Variants in NUBPL observed in about 807,000 individuals in gnomAD.
NUBPL encodes the protein iron-sulfur cluster transfer protein NUBPL.
A neutral mutation model predicts 45.7 loss-of-function variants in NUBPL; 31 were observed. The observed-to-expected ratio is 0.68, with a 90% CI of 0.51 to 0.92. NUBPL has a LOEUF of 0.92. NUBPL is among the 40% of genes least tolerant of loss of function. The pLI is 0.00. For missense variants in NUBPL, 401 were observed against 398.7 expected (o/e 1.01, Z -0.05); for synonymous variants, 144 against 140.9 (o/e 1.02, Z -0.15).
In NUBPL at chr14:31,860,657, A is replaced by G. The variant is rs2040698921; in HGVS notation, c.*1477A>G. The G allele has an allele frequency of 6.6e-6, 1 of 152,180 alleles. No homozygotes were observed. The highest frequency in any genetic ancestry group is 2.1e-4 in the South Asian group (1 of 4,832). 9.4% of individuals were successfully genotyped at this position (152,180 alleles called of 1,614,324 possible). On this transcript the variant is annotated 3_prime_UTR_variant, in exon 11 of 11. Transcript: ENST00000281081. ...TAGAAAATTAGGCATAGAGTTTCAC[A>G]TTATTATAAGCATGTTTTCACACAA...
At chr14:31,657,103 T>A (rs935721888) in intron 4 of NUBPL, among the ~76,000 whole-genome samples, 1 of 152,216 alleles carries the variant, frequency 6.6e-6, no homozygotes, top group Non-Finnish European at 1.5e-5. Flanking sequence ...TGGCACAGAA[T>A]GAAATCTTTA....
intron 6 of NUBPL, among the ~76,000 whole-genome samples, chr14:31,720,446 A>T (rs1383437350): frequency 6.6e-6 from 1 of 152,126 alleles, no homozygotes; most frequent in African/African-American, 2.4e-5. Context: ...GTTTTCAAGG[A>T]CATTCGTATT....
At chr14:31,691,914 A>G (rs2037102712) in intron 6 of NUBPL, among the ~76,000 whole-genome samples, 1 of 152,142 alleles carries the variant, frequency 6.6e-6, no homozygotes, top group Non-Finnish European at 1.5e-5. Context: ...GCATAATTTC[A>G]CCATATGTCC....
intron 4 of NUBPL, among the ~76,000 whole-genome samples, chr14:31,607,717 A>C (rs995362163): frequency 2.6e-5 from 4 of 152,142 alleles, no homozygotes; most frequent in African/African-American, 9.6e-5. Context: ...AATGAAAAAC[A>C]GTGAAGCACA....
At chr14:31,729,275 T>TTC (rs1555332372) in intron 6 of NUBPL, among the ~76,000 whole-genome samples, 12 of 55,570 alleles carry the variant, frequency 2.2e-4, no homozygotes, top group East Asian at 1.6e-3. Context: ...AGATGCTCCA[T>TTC]CCCCCCCCCC....
At chr14:31,783,971 G>A (rs1383937192) in intron 6 of NUBPL, among the ~76,000 whole-genome samples, 1 of 152,196 alleles carries the variant, frequency 6.6e-6, no homozygotes, top group Non-Finnish European at 1.5e-5. Flanking sequence ...AGGAGTTTTA[G>A]TGCCAAGAAT....
At chr14:31,810,024 G>A (rs1035623230) in intron 7 of NUBPL, among the ~76,000 whole-genome samples, 7 of 152,180 alleles carry the variant, frequency 4.6e-5, no homozygotes, top group Admixed American at 2.6e-4. Context: ...GCTGAGGAGA[G>A]CTTTACTTCC....
chr14:31,715,926 T>A (rs1231946513), intron 6 of NUBPL, among the ~76,000 whole-genome samples: 1 of 152,196 alleles, frequency 6.6e-6, no homozygotes, highest in Non-Finnish European at 1.5e-5. Context: ...ACAAACACAT[T>A]ATACATCTGT....
chr14:31,645,542 C>T (rs1366741149), intron 4 of NUBPL, among the ~76,000 whole-genome samples: 2 of 152,148 alleles, frequency 1.3e-5, no homozygotes, highest in Admixed American at 6.5e-5. Context: ...TAACTCCTCT[C>T]TTCCTTTGTT....
chr14:31,590,458 A>G (rs1011334385), intron 3 of NUBPL, among the ~76,000 whole-genome samples: 19 of 152,280 alleles, frequency 1.2e-4, no homozygotes, highest in African/African-American at 4.3e-4. Flanking sequence ...GTGGGTTTCA[A>G]AACCAGCTGC....
chr14:31,700,649 A>G (rs1482184017), intron 6 of NUBPL, among the ~76,000 whole-genome samples: 3 of 148,884 alleles, frequency 2.0e-5, no homozygotes, highest in Admixed American at 1.3e-4. Context: ...GCGGCCGGCC[A>G]GTGCCACTGG....
At chr14:31,618,243 T>G (rs1339888111) in intron 4 of NUBPL, among the ~76,000 whole-genome samples, 2 of 152,186 alleles carry the variant, frequency 1.3e-5, no homozygotes, top group African/African-American at 4.8e-5. Context: ...ATTCATTGAT[T>G]TTTTGAAGGG....
At chr14:31,805,758 G>T (rs2039672821) in intron 7 of NUBPL, among the ~76,000 whole-genome samples, 1 of 152,092 alleles carries the variant, frequency 6.6e-6, no homozygotes, top group Non-Finnish European at 1.5e-5. Context: ...CTCAGAGGGT[G>T]AAGGGTGGGA....
chr14:31,725,816 T>G (rs1243500581), intron 6 of NUBPL, among the ~76,000 whole-genome samples: 1 of 147,562 alleles, frequency 6.8e-6, no homozygotes, highest in Non-Finnish European at 1.5e-5. Context: ...TTTAAACGAT[T>G]TTCCTGCCTC....
intron 7 of NUBPL, among the ~76,000 whole-genome samples, chr14:31,798,189 A>G (rs887876220): frequency 6.6e-6 from 1 of 151,680 alleles, no homozygotes. Flanking sequence ...ACTGCTTCTC[A>G]CCCAAGTGTT....
At chr14:31,607,710 GA>G (rs1331488478) in intron 4 of NUBPL, among the ~76,000 whole-genome samples, 1 of 151,866 alleles carries the variant, frequency 6.6e-6, no homozygotes, top group Non-Finnish European at 1.5e-5. Flanking sequence ...AAAAAAGAAT[GA>G]AAAACAGTGA....
intron 6 of NUBPL, among the ~76,000 whole-genome samples, chr14:31,716,385 T>C (rs2037689021): frequency 6.6e-6 from 1 of 152,226 alleles, no homozygotes; most frequent in Non-Finnish European, 1.5e-5. Flanking sequence ...TACACTTTTA[T>C]GTGACTGGCA....
chr14:31,567,706 AAAAAG>A (rs2033473974), intron 3 of NUBPL, among the ~76,000 whole-genome samples: 1 of 152,192 alleles, frequency 6.6e-6, no homozygotes, highest in Non-Finnish European at 1.5e-5. Context: ...TGAAATTAAT[AAAAAG>A]TGTTTTTCTT....
At chr14:31,835,793 G>A (rs1031984680) in intron 8 of NUBPL, among the ~76,000 whole-genome samples, 12 of 151,292 alleles carry the variant, frequency 7.9e-5, no homozygotes, top group Admixed American at 4.6e-4. Flanking sequence ...CCATGCACAT[G>A]CTTCAAGGAG....
Sources: allele counts gnomAD v4.1 joint callset (sites outside exome capture counted in the v4.1 genomes callset), GRCh38; gene constraint gnomAD v4.1.1; transcripts MANE v1.5; gene names NCBI Gene and HGNC (gene_info 2026-07-23, HGNC 2026-07-21).